PDIA5: variants seen among roughly 807,000 people sequenced by gnomAD.
The protein encoded by PDIA5 is protein disulfide-isomerase A5.
In PDIA5, 58 loss-of-function variants were observed where a neutral mutation model predicts 77.6. The observed-to-expected ratio is 0.75, with a 90% CI of 0.61 to 0.93. PDIA5 has a LOEUF of 0.93. Among genes scored for constraint, PDIA5 ranks in the 40% least tolerant of loss-of-function variants. PDIA5 has a pLI of 0.00. For synonymous variants in PDIA5, 250 were observed against 252.1 expected (o/e 0.99, Z 0.08); for missense variants, 630 against 647.7 (o/e 0.97, Z 0.30).
rs761972658 is a variant in PDIA5, at chr3:123,162,012, G to T, written c.*52G>T. The T allele has an allele frequency of 2.8e-6, 3 of 1,068,238 alleles. No individual in the cohort carries two copies. The highest frequency in any genetic ancestry group is 4.3e-6 in the Non-Finnish European group (3 of 704,170). 66.2% of individuals were successfully genotyped at this position (1,068,238 alleles called of 1,614,324 possible). On this transcript the variant is annotated 3_prime_UTR_variant, in exon 17 of 17. Transcript: ENST00000316218. ...TTACACTGTGAATGATACCTGTTTT[G>T]TTGTTTCTGAATTTCCACATGTTCT...
chr3:123,068,385 GA>G (rs1472033230), intron 1 of PDIA5, among the ~76,000 whole-genome samples: 1 of 152,218 alleles, frequency 6.6e-6, no homozygotes, highest in Non-Finnish European at 1.5e-5. Context: ...AGTGGGTGGG[GA>G]AAGAAGCCCC....
At chr3:123,077,927 A>G (rs1362129970) in intron 1 of PDIA5, among the ~76,000 whole-genome samples, 1 of 151,190 alleles carries the variant, frequency 6.6e-6, no homozygotes, top group African/African-American at 2.4e-5. Context: ...CTTCTGTCTC[A>G]GCCTCCCGAG....
At chr3:123,140,780 T>G (rs2107976525) in intron 11 of PDIA5, among the ~76,000 whole-genome samples, 1 of 152,308 alleles carries the variant, frequency 6.6e-6, no homozygotes, top group East Asian at 1.9e-4. Context: ...GCGAGTGCTT[T>G]CCTTATAGAG....
chr3:123,149,226 A>G (rs1385697798), intron 13 of PDIA5, among the ~76,000 whole-genome samples: 2 of 152,244 alleles, frequency 1.3e-5, no homozygotes, highest in Admixed American at 6.5e-5. Flanking sequence ...CCAGCTGGAA[A>G]TGCCTGAAAA....
intron 4 of PDIA5, 66 bp from the exon 5 acceptor site, chr3:123,102,685 G>A: frequency 7.5e-7 from 1 of 1,338,686 alleles, no homozygotes; most frequent in South Asian, 1.2e-5. Context: ...GATGCTGCAG[G>A]AAACCAAAGG....
intron 7 of PDIA5, among the ~76,000 whole-genome samples, chr3:123,115,377 C>G (rs550309843): frequency 6.6e-6 from 1 of 152,248 alleles, no homozygotes; most frequent in Non-Finnish European, 1.5e-5. Context: ...CCTTCCTGGT[C>G]GCTTGAGTCC....
chr3:123,073,845 C>T (rs569605246), intron 1 of PDIA5, among the ~76,000 whole-genome samples: 1 of 152,298 alleles, frequency 6.6e-6, no homozygotes, highest in East Asian at 1.9e-4. Context: ...TTCTGGAAGT[C>T]GTGAGCAGGT....
chr3:123,091,182 T>C (rs1230276552), intron 2 of PDIA5, among the ~76,000 whole-genome samples: 1 of 152,176 alleles, frequency 6.6e-6, no homozygotes, highest in Non-Finnish European at 1.5e-5. Flanking sequence ...TGGGAGTGCC[T>C]TCTCCGAGTG....
chr3:123,119,598 G>T (rs1241655368), intron 8 of PDIA5, among the ~76,000 whole-genome samples: 1 of 152,220 alleles, frequency 6.6e-6, no homozygotes, highest in Admixed American at 6.5e-5. Flanking sequence ...GCCCCTAGAG[G>T]CTAGGGCTTA....
At chr3:123,157,467 C>T (rs1247436624) in intron 15 of PDIA5, among the ~76,000 whole-genome samples, 3 of 152,070 alleles carry the variant, frequency 2.0e-5, no homozygotes, top group African/African-American at 7.2e-5. Context: ...GGATCCAGGC[C>T]CAGAGAGGAG....
At chr3:123,119,892 T>C (rs1935069370) in intron 8 of PDIA5, among the ~76,000 whole-genome samples, 1 of 142,590 alleles carries the variant, frequency 7.0e-6, no homozygotes, top group Non-Finnish European at 1.5e-5. Flanking sequence ...TGGGAGGTGT[T>C]CAACCTGATT....
chr3:123,131,303 C>T (rs2107966712), intron 11 of PDIA5, among the ~76,000 whole-genome samples: 1 of 151,938 alleles, frequency 6.6e-6, no homozygotes. Flanking sequence ...ACCTATAATC[C>T]CAGTTACTTG....
intron 15 of PDIA5, among the ~76,000 whole-genome samples, chr3:123,159,498 T>C (rs1936102953): frequency 6.6e-6 from 1 of 152,240 alleles, no homozygotes; most frequent in Non-Finnish European, 1.5e-5. Flanking sequence ...GCCCAGCCAG[T>C]TGTCACCTGT....
intron 15 of PDIA5, among the ~76,000 whole-genome samples, chr3:123,158,199 T>C (rs533354941): frequency 2.6e-4 from 39 of 152,376 alleles, no homozygotes; most frequent in African/African-American, 9.1e-4. Context: ...TACTGCGAGC[T>C]CTTCTTCCAC....
intron 1 of PDIA5, among the ~76,000 whole-genome samples, chr3:123,071,127 C>G (rs1036795154): frequency 6.6e-6 from 1 of 151,828 alleles, no homozygotes. Flanking sequence ...AATATAAAAT[C>G]CATTTTATAT....
chr3:123,159,824 C>T (rs1270061164), intron 15 of PDIA5, among the ~76,000 whole-genome samples: 4 of 152,158 alleles, frequency 2.6e-5, no homozygotes, highest in Non-Finnish European at 5.9e-5. Flanking sequence ...CCGCACCTCA[C>T]TCTTCTCTTC....
At chr3:123,094,053 A>G (rs892042277) in intron 3 of PDIA5, among the ~76,000 whole-genome samples, 1 of 152,194 alleles carries the variant, frequency 6.6e-6, no homozygotes, top group African/African-American at 2.4e-5. Context: ...TCAGGACTCA[A>G]GTTTGGAAAC....
At chr3:123,101,779 A>G (rs950196079) in intron 3 of PDIA5, among the ~76,000 whole-genome samples, 16 of 151,972 alleles carry the variant, frequency 1.1e-4, no homozygotes, top group Admixed American at 6.5e-4. Context: ...TTTTCTTGTT[A>G]CCATGGGCTG....
At chr3:123,160,062 A>G (rs1290770628) in intron 15 of PDIA5, among the ~76,000 whole-genome samples, 8 of 152,238 alleles carry the variant, frequency 5.3e-5, no homozygotes, top group Admixed American at 1.3e-4. Flanking sequence ...AAAATGATCT[A>G]ATTTGTCATA....
Sources: allele counts gnomAD v4.1 joint callset (sites outside exome capture counted in the v4.1 genomes callset), GRCh38; gene constraint gnomAD v4.1.1; transcripts MANE v1.5; gene names NCBI Gene and HGNC (gene_info 2026-07-23, HGNC 2026-07-21).